The following AKAP8L variants were observed in gnomAD, a reference collection of about 807,000 sequenced individuals.
AKAP8L encodes A-kinase anchor protein 8-like.
AKAP8L carries 34 observed loss-of-function variants against 77.5 expected under a neutral mutation model. The ratio of observed to expected loss-of-function variants is 0.44; its 90% CI spans 0.33 to 0.58. The LOEUF (loss-of-function observed/expected upper bound fraction) is 0.58. Among genes scored for constraint, AKAP8L ranks in the 20% least tolerant of loss-of-function variants. The pLI, the probability that AKAP8L is intolerant of heterozygous loss-of-function variation, is 0.02. For synonymous variants in AKAP8L, 342 were observed against 340.7 expected, an observed-to-expected ratio of 1.00 and a Z score of -0.04; for missense variants, 806 against 887.6, an observed-to-expected ratio of 0.91 and a Z score of 1.17.
At chr19:15,386,633 A>G (rs1055236071) in intron 12 of AKAP8L, among the ~76,000 whole-genome samples, 1 of 152,072 alleles carries the variant, frequency 6.6e-6, no homozygotes, top group African/African-American at 2.4e-5. Flanking sequence ...AAGGGGTATG[A>G]TATCTTCCCA....
chr19:15,380,251 C>T lies in AKAP8L; in HGVS notation c.1812G>A (p.Pro604=), dbSNP rs1218984756. 1 of 1,497,160 alleles carries T rather than the reference C, an allele frequency of 6.7e-7. No individual in the cohort carries two copies. The highest frequency in any genetic ancestry group is 8.8e-7 in the Non-Finnish European group (1 of 1,133,728). 92.7% of individuals were successfully genotyped at this position (1,497,160 alleles called of 1,614,324 possible). A position where few individuals can be genotyped will look rare whatever the true frequency, so the allele number is the denominator to read the frequency against. The change falls in exon 14 of 14, where the codon CCG becomes CCA. Residue 604 remains proline (P), a synonymous_variant. Coordinates refer to ENST00000397410, the MANE Select transcript of AKAP8L (RefSeq NM_014371.4). ...CCTCCTCCTCCTCTGGGGGCGGCGGCGGTGGCGGCGACACGGCCCCGGGGG... is the reference window on the plus strand; with the variant it reads ...CCTCCTCCTCCTCTGGGGGCGGCGGTGGTGGCGGCGACACGGCCCCGGGGG... The part of the protein sequence containing the change: ...EPAPGAVSPP[P]PPPPEEEEEG...
intron 12 of AKAP8L, among the ~76,000 whole-genome samples, chr19:15,393,070 T>C (rs1209840651): frequency 6.6e-6 from 1 of 152,018 alleles, no homozygotes; most frequent in Non-Finnish European, 1.5e-5. Flanking sequence ...GATGCCAAGA[T>C]CATTCAATGG....
intron 1 of AKAP8L, among the ~76,000 whole-genome samples, 154 bp downstream of exon 1, chr19:15,418,757 G>A (rs947113659): frequency 1.3e-5 from 2 of 152,222 alleles, no homozygotes; most frequent in Admixed American, 6.5e-5. Context: ...CGTGAGGGCA[G>A]CGACCCTGAG....
Position 15,404,043 on chromosome 19 carries a change from C to T in AKAP8L, c.89-1G>A, listed in dbSNP as rs1232447295. On this transcript the variant is annotated splice_acceptor_variant, in intron 2 of 13. Transcript: ENST00000397410. LOFTEE classifies it high-confidence loss of function. ...GTCCCAGAGTTCCAAGTTCCATATC[C>T]TACAAAAAGTAAAAGGGCAGTTACA... is the stretch of plus-strand genomic sequence containing the variant. The T allele has an allele frequency of 6.2e-7, 1 of 1,613,636 alleles. No homozygotes were observed. Among genetic ancestry groups the T allele is most frequent in the Non-Finnish European group, 8.5e-7 (1 of 1,179,754 alleles).
intron 1 of AKAP8L, 73 bp from the exon 2 acceptor site, chr19:15,410,667 T>A: frequency 8.1e-7 from 1 of 1,227,564 alleles, no homozygotes; most frequent in Non-Finnish European, 1.2e-6. Flanking sequence ...ACCTAACCTT[T>A]GGTATAGGAT....
chr19:15,397,939 C>G lies in AKAP8L; in HGVS notation c.1158-84G>C. The G allele has an allele frequency of 6.5e-7, 1 of 1,529,866 alleles. No homozygotes were observed. The allele number at this position is 1,529,866 out of a possible 1,614,324, so 94.8% of individuals were successfully genotyped here. A position where few individuals can be genotyped will look rare whatever the true frequency, so the allele number is the denominator to read the frequency against. On this transcript the variant is annotated intron_variant, in intron 9 of 13. Transcript: ENST00000397410. This position sits in a 1 kb window ranked among gnomAD's most constrained non-coding sequence, Gnocchi z 4.7. ...CGCCTCACCCAACCCAGACACAAGC[C>G]CTGAAACAGGCCTTGCTCACGGGCC... is the stretch of plus-strand genomic sequence containing the variant.
intron 12 of AKAP8L, among the ~76,000 whole-genome samples, chr19:15,385,008 C>T (rs1359342396): frequency 1.3e-5 from 2 of 150,412 alleles, no homozygotes; most frequent in Admixed American, 1.3e-4. Flanking sequence ...GACGGAGTCT[C>T]GCTCTGTTGC....
intron 12 of AKAP8L, among the ~76,000 whole-genome samples, chr19:15,392,672 G>A (rs1967686842): frequency 1.3e-5 from 2 of 151,784 alleles, no homozygotes; most frequent in South Asian, 2.1e-4. Flanking sequence ...TGAGGTGGGT[G>A]GATCCCCCAA....
chr19:15,404,631 T>C (rs1164981895), intron 2 of AKAP8L, among the ~76,000 whole-genome samples: 1 of 152,190 alleles, frequency 6.6e-6, no homozygotes, highest in Non-Finnish European at 1.5e-5. Context: ...TAAAGTCCCC[T>C]GGGAACTCTG....
At position 15,380,254 on chromosome 19, in the gene AKAP8L, TGGCGGC is replaced by T; in HGVS notation, c.1803_1808del (p.Pro607_Pro608del). On this transcript the variant is annotated inframe_deletion, in exon 14 of 14. Coordinates refer to ENST00000397410, the MANE Select transcript of AKAP8L (RefSeq NM_014371.4). ...CCTCCTCCTCTGGGGGCGGCGGCGG[TGGCGGC>T]GACACGGCCCCGGGGGCTGGCTCTG... 1 of 1,497,144 alleles carries T rather than the reference TGGCGGC, an allele frequency of 6.7e-7. No homozygotes were observed. The highest frequency in any genetic ancestry group is 8.8e-7 in the Non-Finnish European group (1 of 1,133,798). The allele number at this position is 1,497,144 out of a possible 1,614,324, so 92.7% of individuals were successfully genotyped here. A position where few individuals can be genotyped will look rare whatever the true frequency, so the allele number is the denominator to read the frequency against.
chr19:15,380,150 T>C lies in AKAP8L; in HGVS notation c.1913A>G (p.Asp638Gly). 2 of 1,502,098 alleles carry C rather than the reference T, an allele frequency of 1.3e-6. No individual in the cohort carries two copies. Among genetic ancestry groups the C allele is most frequent in the South Asian group, 1.2e-5 (1 of 80,918 alleles). 93.0% of individuals were successfully genotyped at this position (1,502,098 alleles called of 1,614,324 possible). A position where few individuals can be genotyped will look rare whatever the true frequency, so the allele number is the denominator to read the frequency against. ...CGGGGCGCCCCCGCCGCCCTCCTCG[T>C]CGTCCTCCACGTCGAGGCCCGGGAT... ...RGIPGLDVEDDEEGGGGAP is the reference protein window; with the variant it reads ...RGIPGLDVEDGEEGGGGAP Residue 638 changes from aspartate (D) to glycine (G), a missense_variant, in exon 14 of 14, where the codon GAC becomes GGC. This residue lies in a region of AKAP8L where 226 missense variants were observed against 193.5 expected (regional missense o/e 1.17). Coordinates refer to ENST00000397410, the MANE Select transcript of AKAP8L (RefSeq NM_014371.4).
intron 1 of AKAP8L, among the ~76,000 whole-genome samples, chr19:15,414,074 T>C (rs2145151511): frequency 6.7e-6 from 1 of 149,992 alleles, no homozygotes; most frequent in Non-Finnish European, 1.5e-5. Flanking sequence ...TTTTTTTTTT[T>C]TTTTTTTGAG....
intron 1 of AKAP8L, among the ~76,000 whole-genome samples, chr19:15,415,598 C>T (rs1968189289): frequency 6.6e-6 from 1 of 151,968 alleles, no homozygotes; most frequent in Non-Finnish European, 1.5e-5. Flanking sequence ...CAGCAAACCT[C>T]CCAGTCAGCC....
At chr19:15,405,783 G>A (rs1222430486) in intron 2 of AKAP8L, among the ~76,000 whole-genome samples, 1 of 152,054 alleles carries the variant, frequency 6.6e-6, no homozygotes, top group Non-Finnish European at 1.5e-5. Flanking sequence ...TTAGCCAGGT[G>A]TGGTGGTGCG....
chr19:15,410,628 A>G, intron 1 of AKAP8L, 34 bp from the exon 2 acceptor site: 1 of 1,524,522 alleles, frequency 6.6e-7, no homozygotes, highest in Non-Finnish European at 8.9e-7. Context: ...AATTTCCACA[A>G]GCAAGTCACA....
Position 15,397,674 on chromosome 19 carries a change from T to C in AKAP8L, c.1299+40A>G, listed in dbSNP as rs1568266941. The C allele has an allele frequency of 6.2e-7, 1 of 1,613,814 alleles. No homozygotes were observed. Among genetic ancestry groups the C allele is most frequent in the South Asian group, 1.1e-5 (1 of 91,054 alleles). On this transcript the variant is annotated intron_variant, in intron 10 of 13. Coordinates refer to ENST00000397410, the MANE Select transcript of AKAP8L (RefSeq NM_014371.4). The surrounding 1 kb of genome is among the most constrained non-coding windows in gnomAD (Gnocchi z 4.7). The stretch of plus-strand genomic sequence containing the variant: ...GTGGGCCGCCTTATGTTCTCAGGGG[T>C]CCAAGAAACTAAGAGCGGCTGTGTT...
chr19:15,418,398 C>T (rs1205857331), intron 1 of AKAP8L, among the ~76,000 whole-genome samples: 1 of 152,174 alleles, frequency 6.6e-6, no homozygotes, highest in Admixed American at 6.5e-5. Flanking sequence ...TTTACTTATC[C>T]CCCTAGGGCC....
intron 2 of AKAP8L, among the ~76,000 whole-genome samples, chr19:15,405,213 A>C (rs10414131): frequency 6.6e-6 from 1 of 152,090 alleles, no homozygotes; most frequent in African/African-American, 2.4e-5. Context: ...TCTAAGAGGC[A>C]AGAGAGGCTG....
intron 4 of AKAP8L, among the ~76,000 whole-genome samples, chr19:15,402,136 G>T (rs902610914): frequency 2.0e-5 from 3 of 152,144 alleles, no homozygotes; most frequent in Non-Finnish European, 4.4e-5. Context: ...GACAAAAGGG[G>T]GAGTATTTCC....
Sources: gnomAD v4.1 joint callset for allele counts (sites outside exome capture counted in the v4.1 genomes callset) on GRCh38, gnomAD v4.1.1 for gene constraint, gnomAD v4.1.1 regional missense constraint, Gnocchi (gnomAD v3.1) non-coding constraint, MANE v1.5 for transcripts, NCBI Gene and HGNC (gene_info 2026-07-23, HGNC 2026-07-21) for gene names.